RBFOX1: variants seen among roughly 807,000 people sequenced by gnomAD.
RBFOX1 encodes the protein RNA binding fox-1 homolog 1.
A neutral mutation model predicts 57.7 loss-of-function variants in RBFOX1; 8 were observed. The ratio of observed to expected loss-of-function variants is 0.14; its 90% CI spans 0.08 to 0.25. RBFOX1 has a LOEUF of 0.25. Among genes scored for constraint, RBFOX1 ranks in the 10% least tolerant of loss-of-function variants. The probability of loss-of-function intolerance (pLI) is 1.00; values close to 1 mark genes in which losing one functional copy is unlikely to be tolerated. For missense variants in RBFOX1, 611 were observed against 548.5 expected (o/e 1.11, Z -1.14); for synonymous variants, 326 against 222.4 (o/e 1.47, Z -4.15).
intron 12 of RBFOX1, among the ~76,000 whole-genome samples, chr16:7,659,136 C>T (rs751450535): frequency 7.9e-5 from 12 of 152,174 alleles, no homozygotes; most frequent in Non-Finnish European, 1.5e-4. Context: ...AGGTAATTGT[C>T]ATACATCTGT....
intron 1 of RBFOX1, among the ~76,000 whole-genome samples, chr16:5,318,341 C>G (rs974721109): frequency 1.2e-4 from 18 of 152,054 alleles, no homozygotes; most frequent in African/African-American, 9.7e-5. Context: ...ATCGGCCAGG[C>G]TGGTCTCAAA....
At chr16:5,652,902 A>T (rs377237341) in intron 3 of RBFOX1, among the ~76,000 whole-genome samples, 9 of 152,298 alleles carry the variant, frequency 5.9e-5, no homozygotes, top group Admixed American at 5.2e-4. Context: ...TATAGTACAT[A>T]TGTGGTTGGC....
At chr16:7,310,035 T>A (rs1417380667) in intron 4 of RBFOX1, among the ~76,000 whole-genome samples, 1 of 152,214 alleles carries the variant, frequency 6.6e-6, no homozygotes, top group Non-Finnish European at 1.5e-5. Flanking sequence ...CCGTGGCTGT[T>A]GGCATGATGC....
At chr16:5,454,919 GTTTCTTTCTTCCTTCCTTCC>G (rs2068561489) in intron 1 of RBFOX1, among the ~76,000 whole-genome samples, 1 of 36,756 alleles carries the variant, frequency 2.7e-5, no homozygotes, top group Non-Finnish European at 5.7e-5. Flanking sequence ...TCTTTCCTTT[GTTTCTTTCTTCCTTCCTTCC>G]TTCCTTCCTT....
chr16:7,316,136 T>C (rs2096433850), intron 4 of RBFOX1, among the ~76,000 whole-genome samples: 2 of 152,134 alleles, frequency 1.3e-5, no homozygotes, highest in African/African-American at 4.8e-5. Context: ...GCCAAGAAGA[T>C]TATGTGTTTA....
At chr16:7,361,946 A>C (rs1457239076) in intron 4 of RBFOX1, among the ~76,000 whole-genome samples, 1 of 143,108 alleles carries the variant, frequency 7.0e-6, no homozygotes, top group Non-Finnish European at 1.5e-5. Context: ...ATGTGTGTGC[A>C]TGTTTTGTGT....
intron 1 of RBFOX1, among the ~76,000 whole-genome samples, chr16:5,293,703 C>A (rs2063590144): frequency 6.9e-6 from 1 of 144,706 alleles, no homozygotes; most frequent in Non-Finnish European, 1.5e-5. Flanking sequence ...CCAGAATAGG[C>A]AAATCTATAG....
chr16:5,775,855 G>C (rs2054129536), intron 3 of RBFOX1, among the ~76,000 whole-genome samples: 1 of 152,202 alleles, frequency 6.6e-6, no homozygotes, highest in African/African-American at 2.4e-5. Context: ...GTCCATGGGA[G>C]AAAGACTATC....
At position 7,072,536 on chromosome 16, in the gene RBFOX1, A is replaced by G. The variant is rs563727151; in HGVS notation, c.27+20438A>G. On this transcript the variant is annotated intron_variant, in intron 4 of 15. Transcript: ENST00000550418. ...TACATGTTTGCAAATACCAGTGGCT[A>G]TTGTTTTTTGTTGTTAATACAATGA... Among the ~76,000 whole-genome samples, 25 of 152,290 alleles carry G rather than the reference A, an allele frequency of 1.6e-4. No homozygotes were observed. The East Asian group carries it at 2.3e-3, about 14-fold the overall frequency.
chr16:5,309,887 G>T (rs1294472507), intron 1 of RBFOX1, among the ~76,000 whole-genome samples: 3 of 152,162 alleles, frequency 2.0e-5, no homozygotes, highest in African/African-American at 7.2e-5. Flanking sequence ...CACAGGCATT[G>T]TTCCTTGGGT....
At chr16:7,554,117 A>C (rs1262047716) in intron 5 of RBFOX1, among the ~76,000 whole-genome samples, 9 of 152,190 alleles carry the variant, frequency 5.9e-5, no homozygotes, top group Admixed American at 5.9e-4. Flanking sequence ...TCAAAAAAGA[A>C]GACAATGACC....
chr16:5,632,317 GTGTCCCT>G (rs2048537344), intron 3 of RBFOX1: 1 of 152,234 alleles, frequency 6.6e-6, no homozygotes, highest in South Asian at 2.1e-4. Context: ...ATCAATCTCT[GTGTCCCT>G]TGGGCAAGCC....
At chr16:6,314,362 G>A (rs764871903) in intron 1 of RBFOX1, among the ~76,000 whole-genome samples, 1 of 152,252 alleles carries the variant, frequency 6.6e-6, no homozygotes. Flanking sequence ...AGTTAGAAAG[G>A]ATGTATATTC....
Position 7,362,638 on chromosome 16 carries a change from G to A in RBFOX1, c.28-155509G>A, listed in dbSNP as rs914310030. On this transcript the variant is annotated intron_variant, in intron 4 of 15. Transcript: ENST00000550418. ...TTTGCGTGTAGTATGTGTTTTGTGC[G>A]TATCTTAGTATGTGTATGTTTTTTA... Among the ~76,000 whole-genome samples the A allele has an allele frequency of 2.0e-4, 31 of 151,458 alleles. 1 individual carries two copies. Among genetic ancestry groups the A allele is most frequent in the Admixed American group, 1.5e-3 (23 of 15,198 alleles).
chr16:7,524,904 C>G (rs1218601603), intron 5 of RBFOX1, among the ~76,000 whole-genome samples: 2 of 152,204 alleles, frequency 1.3e-5, no homozygotes, highest in Non-Finnish European at 2.9e-5. Flanking sequence ...TTTTGACTAA[C>G]TAGCTATTAT....
chr16:5,770,557 A>G (rs1249878312), intron 3 of RBFOX1, among the ~76,000 whole-genome samples: 3 of 152,156 alleles, frequency 2.0e-5, no homozygotes, highest in South Asian at 2.1e-4. Flanking sequence ...CTATCTGCCT[A>G]TGGGGTAGCC....
At chr16:5,996,641 C>T (rs1596368694) in intron 4 of RBFOX1, among the ~76,000 whole-genome samples, 1 of 152,054 alleles carries the variant, frequency 6.6e-6, no homozygotes, top group Admixed American at 6.6e-5. Context: ...GCAGCATAGG[C>T]ATTTACCACC....
At chr16:5,780,010 A>G (rs1034758513) in intron 3 of RBFOX1, among the ~76,000 whole-genome samples, 5 of 152,174 alleles carry the variant, frequency 3.3e-5, no homozygotes, top group African/African-American at 7.2e-5. Flanking sequence ...TGCTATTATT[A>G]TTGTTATTTT....
intron 1 of RBFOX1, among the ~76,000 whole-genome samples, chr16:6,240,285 G>A (rs374686182): frequency 1.7e-4 from 26 of 152,232 alleles, no homozygotes; most frequent in East Asian, 7.7e-4. Flanking sequence ...AGCAGTGCAA[G>A]AGTGGCCTAA....
Sources: gnomAD v4.1 joint callset for allele counts (sites outside exome capture counted in the v4.1 genomes callset) on GRCh38, gnomAD v4.1.1 for gene constraint, MANE v1.5 for transcripts, NCBI Gene and HGNC (gene_info 2026-07-23, HGNC 2026-07-21) for gene names.